The following CDH18 variants were observed in gnomAD, a reference collection of about 807,000 sequenced individuals.
CDH18 encodes cadherin 18.
A neutral mutation model predicts 67.9 loss-of-function variants in CDH18; 31 were observed. That is an observed-to-expected ratio of 0.46 (90% CI 0.34 to 0.62). The LOEUF (loss-of-function observed/expected upper bound fraction) is 0.62. Ranked by LOEUF, CDH18 falls within the 20% of genes least tolerant of loss-of-function variation. CDH18 has a pLI of 0.01. For missense variants in CDH18, 890 were observed against 975.5 expected (o/e 0.91, Z 1.17); for synonymous variants, 362 against 347.2 (o/e 1.04, Z -0.48).
At chr5:20,555,748 T>A (rs1757871085) in intron 1 of CDH18, among the ~76,000 whole-genome samples, 1 of 147,870 alleles carries the variant, frequency 6.8e-6, no homozygotes, top group Admixed American at 6.8e-5. Context: ...CACCCCTGCT[T>A]TTTTTTTTTT....
At chr5:19,789,523 A>G (rs1561303933) in intron 3 of CDH18, among the ~76,000 whole-genome samples, 1 of 152,194 alleles carries the variant, frequency 6.6e-6, no homozygotes, top group Non-Finnish European at 1.5e-5. Flanking sequence ...AAATAAGTCA[A>G]TAGAACTTGG....
intron 6 of CDH18, among the ~76,000 whole-genome samples, chr5:19,601,011 C>G (rs1368653943): frequency 1.3e-5 from 2 of 152,078 alleles, no homozygotes; most frequent in Non-Finnish European, 2.9e-5. Flanking sequence ...GTGAAATAAA[C>G]TTATAAAAGC....
chr5:20,366,063 T>G (rs1335532936), intron 1 of CDH18, among the ~76,000 whole-genome samples: 1 of 152,182 alleles, frequency 6.6e-6, no homozygotes, highest in Non-Finnish European at 1.5e-5. Flanking sequence ...TCAAAACTCC[T>G]GCCAATGCAT....
At chr5:20,137,525 G>A (rs7726825) in intron 2 of CDH18, among the ~76,000 whole-genome samples, 21 of 152,060 alleles carry the variant, frequency 1.4e-4, no homozygotes, top group East Asian at 1.2e-3. Context: ...TAATGGGTTC[G>A]AAAATCCTCC....
intron 1 of CDH18, among the ~76,000 whole-genome samples, chr5:20,430,624 T>C (rs1053582582): frequency 5.3e-5 from 8 of 152,182 alleles, no homozygotes; most frequent in African/African-American, 1.7e-4. Context: ...ATTTTCTTCA[T>C]AATATAATTG....
chr5:19,644,570 C>T (rs755529878), intron 5 of CDH18, among the ~76,000 whole-genome samples: 2 of 152,080 alleles, frequency 1.3e-5, no homozygotes, highest in Non-Finnish European at 2.9e-5. Context: ...CTCTTTCTGA[C>T]AATGTGGGTC....
intron 2 of CDH18, among the ~76,000 whole-genome samples, chr5:19,892,755 G>A (rs1788915828): frequency 1.3e-5 from 2 of 152,064 alleles, no homozygotes; most frequent in South Asian, 4.2e-4. Context: ...GAACATATGG[G>A]TGAGCTCATT....
At chr5:20,149,462 G>C (rs1166426668) in intron 2 of CDH18, among the ~76,000 whole-genome samples, 1 of 152,108 alleles carries the variant, frequency 6.6e-6, no homozygotes, top group Non-Finnish European at 1.5e-5. Context: ...ATATCGGACA[G>C]GGTAGTGAAG....
chr5:19,587,928 T>A (rs1209437997), intron 7 of CDH18, among the ~76,000 whole-genome samples: 1 of 152,112 alleles, frequency 6.6e-6, no homozygotes, highest in Admixed American at 6.6e-5. Context: ...GAGCATGGAA[T>A]TTTTTTCGTT....
At chr5:19,888,256 C>T (rs748705669) in intron 2 of CDH18, among the ~76,000 whole-genome samples, 4 of 152,030 alleles carry the variant, frequency 2.6e-5, no homozygotes, top group Admixed American at 2.0e-4. Flanking sequence ...GCACACACAC[C>T]GACAGTTTAT....
intron 5 of CDH18, among the ~76,000 whole-genome samples, chr5:19,709,680 GAAAGA>G (rs1458125269): frequency 1.5e-4 from 20 of 133,826 alleles, no homozygotes; most frequent in Non-Finnish European, 2.6e-4. Context: ...AAAAAGAAAA[GAAAGA>G]AAAGAAAAGG....
At chr5:20,574,858 T>G (rs552583532) in intron 1 of CDH18, among the ~76,000 whole-genome samples, 1 of 152,070 alleles carries the variant, frequency 6.6e-6, no homozygotes, top group African/African-American at 2.4e-5. Flanking sequence ...TTCTTTGCCT[T>G]AGCTCAATAC....
chr5:19,965,404 G>C (rs923698121), intron 2 of CDH18, among the ~76,000 whole-genome samples: 6 of 152,040 alleles, frequency 3.9e-5, no homozygotes, highest in Admixed American at 6.6e-5. Context: ...TCTGAACTTT[G>C]CTGTATTCAA....
chr5:20,145,153 T>TA (rs1465978368), intron 2 of CDH18, among the ~76,000 whole-genome samples: 2 of 152,156 alleles, frequency 1.3e-5, no homozygotes, highest in East Asian at 1.9e-4. Flanking sequence ...AGCCCTTTTT[T>TA]AAAAAAATAA....
At chr5:20,278,887 G>C (rs2126689735) in intron 1 of CDH18, among the ~76,000 whole-genome samples, 1 of 151,650 alleles carries the variant, frequency 6.6e-6, no homozygotes, top group South Asian at 2.1e-4. Flanking sequence ...CTACAACAGA[G>C]ACACAAAAAA....
chr5:19,830,991 C>T (rs1170730406), intron 3 of CDH18, among the ~76,000 whole-genome samples: 8 of 151,918 alleles, frequency 5.3e-5, no homozygotes, highest in Non-Finnish European at 1.0e-4. Context: ...ACTTTGAGTA[C>T]ATATAAACAC....
intron 2 of CDH18, among the ~76,000 whole-genome samples, chr5:20,143,621 G>C (rs1750414560): frequency 6.6e-6 from 1 of 152,014 alleles, no homozygotes; most frequent in Admixed American, 6.6e-5. Flanking sequence ...TTTCTGTCTT[G>C]GCCTCTGAAA....
chr5:20,394,509 G>A (rs1026065652), intron 1 of CDH18, among the ~76,000 whole-genome samples: 28 of 149,768 alleles, frequency 1.9e-4, no homozygotes, highest in African/African-American at 4.7e-4. Context: ...TCTTCTGGGC[G>A]TTGGTCTAGG....
At chr5:20,475,623 A>G (rs1752382969) in intron 1 of CDH18, among the ~76,000 whole-genome samples, 1 of 150,562 alleles carries the variant, frequency 6.6e-6, no homozygotes, top group Non-Finnish European at 1.5e-5. Context: ...GTTTTTAAAT[A>G]TTTTTATTTG....
Sources: gnomAD v4.1 joint callset for allele counts (sites outside exome capture counted in the v4.1 genomes callset) on GRCh38, gnomAD v4.1.1 for gene constraint, MANE v1.5 for transcripts, NCBI Gene and HGNC (gene_info 2026-07-23, HGNC 2026-07-21) for gene names.